The following KLHL29 variants were observed in gnomAD, a reference collection of about 807,000 sequenced individuals.
KLHL29 encodes the protein kelch-like protein 29.
A neutral mutation model predicts 80.4 loss-of-function variants in KLHL29; 21 were observed. The observed-to-expected ratio is 0.26, with a 90% confidence interval of 0.19 to 0.38. The LOEUF is 0.38. KLHL29 is among the 10% of genes least tolerant of loss of function. KLHL29 has a pLI of 1.00. For synonymous variants in KLHL29, 511 were observed against 526.8 expected (o/e 0.97, Z 0.41); for missense variants, 867 against 1,223.9 (o/e 0.71, Z 4.35).
intron 1 of KLHL29, among the ~76,000 whole-genome samples, chr2:23,423,510 C>T (rs756576332): frequency 2.0e-5 from 3 of 152,248 alleles, no homozygotes; most frequent in Admixed American, 6.5e-5. Context: ...GATTCTCAAA[C>T]GACTTAAAGC....
rs145022671 is a variant in KLHL29, at chr2:23,647,829, G to A, written c.940+4979G>A. On this transcript the variant is annotated intron_variant, in intron 5 of 13. Transcript: ENST00000486442. This position sits in a 1 kb window ranked among gnomAD's most constrained non-coding sequence, Gnocchi z 4.9. ...CCAGTCTAGCCGTGCACTGTGCCTC[G>A]GTCGAGTGCCTGTGAGACCATTCGA... Among the ~76,000 whole-genome samples, 22 of 152,120 alleles carry A rather than the reference G, an allele frequency of 1.4e-4. No individual in the cohort carries two copies. The East Asian group carries it at 4.1e-3, about 28-fold the overall frequency.
chr2:23,390,550 A>G (rs2918003), intron 1 of KLHL29, among the ~76,000 whole-genome samples: 119,822 of 151,944 alleles, frequency 0.79, 47,408 homozygotes, highest in South Asian at 0.87. Context: ...AATCACACAT[A>G]TATATACACA....
intron 3 of KLHL29, among the ~76,000 whole-genome samples, chr2:23,599,518 C>T (rs1386957271): frequency 6.6e-6 from 1 of 150,532 alleles, no homozygotes. Context: ...TTCTATATTA[C>T]ATTCTATATA....
At chr2:23,558,116 A>G (rs139584503) in intron 2 of KLHL29, among the ~76,000 whole-genome samples, 171 of 152,330 alleles carry the variant, frequency 1.1e-3, no homozygotes, top group Middle Eastern at 3.4e-3. Flanking sequence ...GCCAGACTCC[A>G]GACACAGGAG....
chr2:23,386,174 G>A (rs113286812), intron 1 of KLHL29, among the ~76,000 whole-genome samples: 35,600 of 151,888 alleles, frequency 0.23, 5,345 homozygotes, highest in South Asian at 0.38. Flanking sequence ...AGCGGCCCAG[G>A]GCCCCGGCCG....
chr2:23,474,082 TA>T (rs1283421792), intron 1 of KLHL29, among the ~76,000 whole-genome samples: 3 of 152,156 alleles, frequency 2.0e-5, no homozygotes, highest in African/African-American at 7.2e-5. Context: ...AAATTGCATA[TA>T]CTACCTTCCA....
At chr2:23,567,957 T>C (rs1485156322) in intron 3 of KLHL29, among the ~76,000 whole-genome samples, 1 of 152,226 alleles carries the variant, frequency 6.6e-6, no homozygotes, top group Admixed American at 6.5e-5. Context: ...ACTGAGCTAA[T>C]GGGTTTTGCC....
chr2:23,577,033 C>T (rs1232071544), intron 3 of KLHL29, among the ~76,000 whole-genome samples: 3 of 152,234 alleles, frequency 2.0e-5, no homozygotes, highest in Non-Finnish European at 4.4e-5. Flanking sequence ...GACTCCACCA[C>T]CTGCTGGCTG....
intron 3 of KLHL29, among the ~76,000 whole-genome samples, chr2:23,582,064 G>A (rs1667998264): frequency 6.6e-6 from 1 of 152,126 alleles, no homozygotes; most frequent in Non-Finnish European, 1.5e-5. Context: ...CAGGGTCTAG[G>A]AGCAAAGGCA....
chr2:23,561,666 G>A lies in KLHL29; in HGVS notation c.-45-486G>A, dbSNP rs75409214. Among the ~76,000 whole-genome samples, 355 of 152,286 alleles carry A rather than the reference G, an allele frequency of 2.3e-3. 1 individual carries two copies. The highest frequency in any genetic ancestry group is 8.1e-3 in the African/African-American group (336 of 41,560). On this transcript the variant is annotated intron_variant, in intron 2 of 13. Coordinates refer to ENST00000486442, the MANE Select transcript of KLHL29 (RefSeq NM_052920.2). ...AACTGGGAACCATCCATGCCCTGCC[G>A]CCTCACAGGCTACTGTAGGAGGAAG... is the stretch of plus-strand genomic sequence containing the variant.
At chr2:23,427,267 A>G (rs72846884) in intron 1 of KLHL29, among the ~76,000 whole-genome samples, 5,278 of 152,242 alleles carry the variant, frequency 0.035, 115 homozygotes, top group Middle Eastern at 0.068. Context: ...TTTACACCAA[A>G]ATGGAGGTGA....
chr2:23,514,588 C>T (rs1400560288), intron 2 of KLHL29, among the ~76,000 whole-genome samples: 1 of 152,208 alleles, frequency 6.6e-6, no homozygotes, highest in Non-Finnish European at 1.5e-5. Context: ...TCTTTGGCAC[C>T]TCTGTCTGCA....
intron 2 of KLHL29, among the ~76,000 whole-genome samples, chr2:23,541,266 C>T (rs762114975): frequency 2.6e-5 from 4 of 152,076 alleles, no homozygotes; most frequent in Non-Finnish European, 4.4e-5. Context: ...GGTGGATGCA[C>T]GGGTAGATGG....
intron 1 of KLHL29, among the ~76,000 whole-genome samples, chr2:23,451,496 G>A (rs908789992): frequency 2.0e-5 from 3 of 152,174 alleles, no homozygotes; most frequent in Admixed American, 2.0e-4. Context: ...CTGTGCATGC[G>A]CCTTGCAAGC....
chr2:23,493,105 C>T (rs1665154150), intron 2 of KLHL29, among the ~76,000 whole-genome samples: 1 of 152,212 alleles, frequency 6.6e-6, no homozygotes, highest in African/African-American at 2.4e-5. Context: ...CTTTGCCCTG[C>T]CTCCCGCACA....
At chr2:23,614,459 T>C (rs1572439372) in intron 3 of KLHL29, among the ~76,000 whole-genome samples, 1 of 152,072 alleles carries the variant, frequency 6.6e-6, no homozygotes, top group Middle Eastern at 3.4e-3. Flanking sequence ...GAATTCACAG[T>C]CACAGTAGGA....
At chr2:23,395,266 C>T (rs1442786531) in intron 1 of KLHL29, among the ~76,000 whole-genome samples, 1 of 152,130 alleles carries the variant, frequency 6.6e-6, no homozygotes, top group Non-Finnish European at 1.5e-5. Context: ...CTGCTGTGGC[C>T]GTGACCCATG....
At chr2:23,392,236 A>G (rs959155881) in intron 1 of KLHL29, among the ~76,000 whole-genome samples, 2 of 152,258 alleles carry the variant, frequency 1.3e-5, no homozygotes, top group African/African-American at 4.8e-5. Context: ...TGTAGATGCC[A>G]ATCCTGTTCA....
At chr2:23,463,170 G>A (rs1664262081) in intron 1 of KLHL29, among the ~76,000 whole-genome samples, 1 of 149,424 alleles carries the variant, frequency 6.7e-6, no homozygotes, top group Admixed American at 6.7e-5. Context: ...TTGAATGTGA[G>A]GATTAGACCT....
Sources: allele counts gnomAD v4.1 joint callset (sites outside exome capture counted in the v4.1 genomes callset), GRCh38; gene constraint gnomAD v4.1.1; non-coding constraint Gnocchi (gnomAD v3.1); transcripts MANE v1.5; gene names NCBI Gene and HGNC (gene_info 2026-07-23, HGNC 2026-07-21).